Variants in RALYL observed in about 807,000 individuals in gnomAD.
RALYL encodes the protein RALY RNA binding protein like.
Under a neutral mutation model 35.1 loss-of-function variants are expected in RALYL, and 29 were observed. The ratio of observed to expected loss-of-function variants is 0.83; its 90% CI spans 0.61 to 1.13. The LOEUF (loss-of-function observed/expected upper bound fraction) is 1.13, where lower values mean the gene tolerates loss of function less well. Ranked by LOEUF, RALYL falls within the 50% of genes most tolerant of loss-of-function variation. RALYL has a pLI of 0.00. For synonymous variants in RALYL, 120 were observed against 127.6 expected (o/e 0.94, Z 0.40); for missense variants, 359 against 360.4 (o/e 1.00, Z 0.03).
intron 1 of RALYL, among the ~76,000 whole-genome samples, chr8:84,357,836 A>T (rs1852179214): frequency 1.4e-5 from 2 of 144,300 alleles, no homozygotes; most frequent in Non-Finnish European, 3.1e-5. Context: ...TCAAAAGTTA[A>T]AAGTAATTAA....
intron 2 of RALYL, among the ~76,000 whole-genome samples, chr8:84,596,098 T>C (rs1430530105): frequency 2.6e-5 from 4 of 152,122 alleles, no homozygotes; most frequent in Non-Finnish European, 1.5e-5. Context: ...ACTACATAAA[T>C]TGTGACACCT....
intron 6 of RALYL, among the ~76,000 whole-genome samples, chr8:84,863,104 G>A (rs1314408830): frequency 6.6e-6 from 1 of 152,034 alleles, no homozygotes; most frequent in East Asian, 1.9e-4. Flanking sequence ...CATAAAGAAA[G>A]GATAACAAAA....
intron 2 of RALYL, among the ~76,000 whole-genome samples, chr8:84,722,088 A>C (rs1384414703): frequency 2.0e-5 from 3 of 152,104 alleles, no homozygotes; most frequent in Non-Finnish European, 4.4e-5. Flanking sequence ...TTATAGCCCA[A>C]ACTTTATTCT....
intron 1 of RALYL, among the ~76,000 whole-genome samples, chr8:84,370,700 A>G (rs1368221655): frequency 1.3e-5 from 2 of 152,072 alleles, no homozygotes; most frequent in Non-Finnish European, 2.9e-5. Flanking sequence ...GAGTAATTAC[A>G]CAAACTACAG....
chr8:84,257,753 G>A (rs1448191373), intron 1 of RALYL, among the ~76,000 whole-genome samples: 2 of 152,036 alleles, frequency 1.3e-5, no homozygotes, highest in African/African-American at 2.4e-5. Flanking sequence ...GGAAAGGTAC[G>A]ACTCCTGAAG....
At chr8:84,916,197 TAA>T (rs1337644015) in intron 8 of RALYL, among the ~76,000 whole-genome samples, 1 of 152,194 alleles carries the variant, frequency 6.6e-6, no homozygotes, top group Non-Finnish European at 1.5e-5. Flanking sequence ...ATAAGTATTA[TAA>T]AGTGACTGTC....
At chr8:84,278,250 G>A (rs1389455926) in intron 1 of RALYL, among the ~76,000 whole-genome samples, 2 of 152,208 alleles carry the variant, frequency 1.3e-5, no homozygotes, top group South Asian at 2.1e-4. Flanking sequence ...TCTGAGCAAT[G>A]GCCTGAGCTG....
At chr8:84,820,917 G>A (rs554987262) in intron 4 of RALYL, among the ~76,000 whole-genome samples, 9 of 152,246 alleles carry the variant, frequency 5.9e-5, no homozygotes, top group East Asian at 5.8e-4. Context: ...AATACTGCAC[G>A]AAGAGAGTTG....
chr8:84,471,933 A>C (rs1377257398), intron 1 of RALYL, among the ~76,000 whole-genome samples: 1 of 152,224 alleles, frequency 6.6e-6, no homozygotes, highest in Admixed American at 6.5e-5. Context: ...ATATTGAATT[A>C]CAATACTTTG....
intron 2 of RALYL, among the ~76,000 whole-genome samples, chr8:84,649,883 T>G (rs1828349707): frequency 6.6e-6 from 1 of 152,134 alleles, no homozygotes; most frequent in Non-Finnish European, 1.5e-5. Flanking sequence ...GTATGGCCAT[T>G]TTCATGATAT....
chr8:84,845,658 C>A (rs535584542), intron 4 of RALYL, among the ~76,000 whole-genome samples: 48 of 152,194 alleles, frequency 3.2e-4, no homozygotes, highest in African/African-American at 1.0e-3. Context: ...TGCAGAAGTT[C>A]TTGAGTTTAA....
rs141331372 is a variant in RALYL, at chr8:84,580,237, T to G, written c.256+50660T>G. Among the ~76,000 whole-genome samples, 513 of 152,334 alleles carry G rather than the reference T, an allele frequency of 3.4e-3. 3 individuals are homozygous for G. Among genetic ancestry groups the G allele is most frequent in the Non-Finnish European group, 5.6e-3 (384 of 68,034 alleles). ...ATATTAATTAATGGCAAATATATTT[T>G]TATTGTCTATGTCTTAATCCATTTT... is the stretch of plus-strand genomic sequence containing the variant. On this transcript the variant is annotated intron_variant, in intron 2 of 8. Transcript: ENST00000521268.
intron 1 of RALYL, among the ~76,000 whole-genome samples, chr8:84,213,625 A>G (rs779341414): frequency 5.9e-5 from 9 of 152,216 alleles, no homozygotes; most frequent in African/African-American, 2.2e-4. Context: ...TTTTGGTTCA[A>G]GATGAAAGTA....
intron 1 of RALYL, among the ~76,000 whole-genome samples, chr8:84,313,169 G>A (rs1447557688): frequency 6.6e-6 from 1 of 152,214 alleles, no homozygotes; most frequent in Non-Finnish European, 1.5e-5. Context: ...ATGGCTGGAG[G>A]TGGAGCATCT....
chr8:84,309,663 G>A (rs1181386699), intron 1 of RALYL, among the ~76,000 whole-genome samples: 3 of 152,056 alleles, frequency 2.0e-5, no homozygotes, highest in Admixed American at 2.0e-4. Flanking sequence ...ATAATTTATG[G>A]AAACATGGAC....
intron 2 of RALYL, among the ~76,000 whole-genome samples, chr8:84,774,344 TC>T (rs1355543418): frequency 2.0e-5 from 3 of 152,174 alleles, no homozygotes; most frequent in Admixed American, 2.0e-4. Flanking sequence ...CTCACTGTCT[TC>T]CCCCAGTAAA....
At chr8:84,459,344 A>C (rs960820902) in intron 1 of RALYL, among the ~76,000 whole-genome samples, 2 of 151,862 alleles carry the variant, frequency 1.3e-5, no homozygotes, top group Non-Finnish European at 2.9e-5. Flanking sequence ...AATAGGAAAT[A>C]AAAGGAAATA....
intron 1 of RALYL, among the ~76,000 whole-genome samples, chr8:84,356,620 G>A (rs1203907841): frequency 6.7e-6 from 1 of 150,222 alleles, no homozygotes; most frequent in African/African-American, 2.5e-5. Flanking sequence ...CCCAGCCATG[G>A]CCTCTCTAAA....
chr8:84,579,437 C>T (rs752580810), intron 2 of RALYL, among the ~76,000 whole-genome samples: 6 of 152,172 alleles, frequency 3.9e-5, no homozygotes, highest in Non-Finnish European at 7.3e-5. Flanking sequence ...GGGGCTCCAG[C>T]CCTAATGACT....
Sources: allele counts gnomAD v4.1 joint callset (sites outside exome capture counted in the v4.1 genomes callset), GRCh38; gene constraint gnomAD v4.1.1; transcripts MANE v1.5; gene names NCBI Gene and HGNC (gene_info 2026-07-23, HGNC 2026-07-21).